The following CNTN4 variants were observed in gnomAD, a reference collection of about 807,000 sequenced individuals.
CNTN4 encodes contactin-4.
In CNTN4, 77 loss-of-function variants were observed where a neutral mutation model predicts 122.5. The observed-to-expected ratio is 0.63, with a 90% CI of 0.52 to 0.76. The LOEUF (loss-of-function observed/expected upper bound fraction) is 0.76. Ranked by LOEUF, CNTN4 falls within the 30% of genes least tolerant of loss-of-function variation. The probability of loss-of-function intolerance (pLI) is 0.00; values close to 1 mark genes in which losing one functional copy is unlikely to be tolerated. For missense variants in CNTN4, 1,256 were observed against 1,259.1 expected (o/e 1.00, Z 0.04); for synonymous variants, 512 against 447.0 (o/e 1.15, Z -1.83).
chr3:2,226,888 C>G (rs1407552678), intron 2 of CNTN4, among the ~76,000 whole-genome samples: 1 of 151,958 alleles, frequency 6.6e-6, no homozygotes, highest in African/African-American at 2.4e-5. Flanking sequence ...ATATTAACTA[C>G]TTTAATTTTT....
At chr3:2,147,334 G>T (rs1295859971) in intron 2 of CNTN4, among the ~76,000 whole-genome samples, 1 of 151,662 alleles carries the variant, frequency 6.6e-6, no homozygotes, top group Non-Finnish European at 1.5e-5. Flanking sequence ...AACTATGTGT[G>T]TTCTTCATAT....
At chr3:3,010,226 T>C (rs993071890) in intron 14 of CNTN4, among the ~76,000 whole-genome samples, 2 of 151,988 alleles carry the variant, frequency 1.3e-5, no homozygotes, top group Admixed American at 6.5e-5. Flanking sequence ...GGAGAGCAAA[T>C]AGGGACCTAA....
chr3:2,821,544 G>C (rs894745559), intron 7 of CNTN4, among the ~76,000 whole-genome samples: 11 of 152,124 alleles, frequency 7.2e-5, no homozygotes, highest in Admixed American at 4.6e-4. Context: ...TGGCAAAGGA[G>C]GTTGAAAAAT....
intron 4 of CNTN4, among the ~76,000 whole-genome samples, chr3:2,595,932 G>A (rs2080748737): frequency 6.6e-6 from 1 of 152,176 alleles, no homozygotes; most frequent in South Asian, 2.1e-4. Flanking sequence ...ATCATCATCT[G>A]TTGTATGTGG....
chr3:2,503,411 G>A (rs2076648665), intron 3 of CNTN4, among the ~76,000 whole-genome samples: 2 of 152,140 alleles, frequency 1.3e-5, no homozygotes, highest in South Asian at 2.1e-4. Flanking sequence ...AATGGTTGGG[G>A]AAGTATCGTC....
At chr3:2,647,653 AG>A (rs1286847661) in intron 4 of CNTN4, among the ~76,000 whole-genome samples, 1 of 152,156 alleles carries the variant, frequency 6.6e-6, no homozygotes, top group Non-Finnish European at 1.5e-5. Context: ...ACCTAAACTC[AG>A]GCAAGTGATT....
At chr3:2,842,594 C>G (rs1013707213) in intron 7 of CNTN4, among the ~76,000 whole-genome samples, 1 of 152,190 alleles carries the variant, frequency 6.6e-6, no homozygotes, top group Non-Finnish European at 1.5e-5. Flanking sequence ...ATCTCTACAT[C>G]TTCTCTTTCA....
At chr3:2,532,288 T>G (rs2077625255) in intron 3 of CNTN4, among the ~76,000 whole-genome samples, 1 of 152,134 alleles carries the variant, frequency 6.6e-6, no homozygotes, top group African/African-American at 2.4e-5. Flanking sequence ...CATCTCACCC[T>G]GTCACCCTGG....
intron 2 of CNTN4, among the ~76,000 whole-genome samples, chr3:2,196,050 T>A (rs2037818027): frequency 6.6e-6 from 1 of 152,206 alleles, no homozygotes; most frequent in African/African-American, 2.4e-5. Flanking sequence ...AATAAACTTC[T>A]GCAGGTCCTA....
At chr3:2,754,203 T>G (rs2090227710) in intron 6 of CNTN4, among the ~76,000 whole-genome samples, 1 of 152,206 alleles carries the variant, frequency 6.6e-6, no homozygotes, top group South Asian at 2.1e-4. Flanking sequence ...ACTCCAGATT[T>G]TAGCCTGTCA....
chr3:2,858,789 A>C lies in CNTN4; in HGVS notation c.455-7963A>C, dbSNP rs781281082. Among the ~76,000 whole-genome samples, 119 of 152,328 alleles carry C rather than the reference A, an allele frequency of 7.8e-4. 2 individuals carry two copies. The highest frequency in any genetic ancestry group is 6.3e-4 in the Non-Finnish European group (43 of 68,028). Reference sequence around the variant, plus strand: ...TTTAGTTTTTTATTATTTATTTTTAATTGACAAATAAACATTGCATATATT... The same window carrying C: ...TTTAGTTTTTTATTATTTATTTTTACTTGACAAATAAACATTGCATATATT... On this transcript the variant is annotated intron_variant, in intron 7 of 24. Transcript: ENST00000418658.
At chr3:2,980,184 G>A (rs530861661) in intron 13 of CNTN4, among the ~76,000 whole-genome samples, 1 of 152,278 alleles carries the variant, frequency 6.6e-6, no homozygotes, top group Admixed American at 6.5e-5. Context: ...ATCTCCAAAT[G>A]ACAGTGAGGG....
At position 2,582,472 on chromosome 3, in the gene CNTN4, G is replaced by C. The variant is rs140742922; in HGVS notation, c.55+10914G>C. 3.9e-3 allele frequency among the ~76,000 whole-genome samples: 579 copies of C among 147,516 alleles called. 5 individuals carry two copies. The highest frequency in any genetic ancestry group is 0.013 in the African/African-American group (547 of 40,618). On this transcript the variant is annotated intron_variant, in intron 4 of 24. Transcript: ENST00000418658. ...TTTTATAGTCATGGAAGGTGGCTGG[G>C]ATTGGGGGCGGCGGGGAGGGGCAGT...
At chr3:2,560,644 C>G (rs938737156) in intron 3 of CNTN4, among the ~76,000 whole-genome samples, 11 of 152,184 alleles carry the variant, frequency 7.2e-5, no homozygotes, top group African/African-American at 2.4e-4. Context: ...TAAAACAATA[C>G]AAGTCCAAGA....
At chr3:2,644,582 C>T (rs370450039) in intron 4 of CNTN4, among the ~76,000 whole-genome samples, 94 of 151,316 alleles carry the variant, frequency 6.2e-4, no homozygotes, top group East Asian at 2.3e-3. Flanking sequence ...CTGCAAAATA[C>T]CTCTATCTAA....
intron 13 of CNTN4, among the ~76,000 whole-genome samples, chr3:2,955,635 G>T (rs756820167): frequency 9.2e-5 from 14 of 152,164 alleles, no homozygotes; most frequent in Non-Finnish European, 1.8e-4. Context: ...ATGAAATGCT[G>T]GGATTAATTT....
chr3:2,208,435 A>G (rs1210436240), intron 2 of CNTN4, among the ~76,000 whole-genome samples: 2 of 152,132 alleles, frequency 1.3e-5, no homozygotes, highest in Non-Finnish European at 2.9e-5. Context: ...GTTGAAATGG[A>G]TAAGGAGTTG....
intron 10 of CNTN4, 62 bp downstream of exon 10, chr3:2,887,286 T>C: frequency 6.6e-7 from 1 of 1,506,544 alleles, no homozygotes; most frequent in Non-Finnish European, 9.1e-7. Context: ...ATTGAAATCA[T>C]AAGCTGAGAG....
chr3:2,422,776 C>G (rs180975665), intron 3 of CNTN4, among the ~76,000 whole-genome samples: 2 of 152,218 alleles, frequency 1.3e-5, no homozygotes, highest in Non-Finnish European at 2.9e-5. Flanking sequence ...TCTGTTTCCC[C>G]TAATGCCTGA....
Sources: allele counts gnomAD v4.1 joint callset (sites outside exome capture counted in the v4.1 genomes callset), GRCh38; gene constraint gnomAD v4.1.1; transcripts MANE v1.5; gene names NCBI Gene and HGNC (gene_info 2026-07-23, HGNC 2026-07-21).